Variants in COL10A1 observed in about 807,000 individuals in gnomAD.
The protein encoded by COL10A1 is collagen type X alpha 1 chain, also known as collagen alpha-1(X) chain.
COL10A1 carries 10 observed loss-of-function variants against 18.2 expected under a neutral mutation model. That is an observed-to-expected ratio of 0.55 (90% CI 0.34 to 0.93). The LOEUF is 0.93. Among genes scored for constraint, COL10A1 ranks in the 40% least tolerant of loss-of-function variants. The pLI is 0.02. For missense variants in COL10A1, 897 were observed against 853.5 expected, an observed-to-expected ratio of 1.05 and a Z score of -0.64; for synonymous variants, 330 against 316.6, an observed-to-expected ratio of 1.04 and a Z score of -0.45.
At chr6:116,215,372 A>G in the COL10A1 span, among the ~76,000 whole-genome samples, 2 of 152,156 alleles carry the variant, frequency 1.3e-5, no homozygotes, top group Non-Finnish European at 2.9e-5. Flanking sequence ...TGTAAGCTCT[A>G]TATTTTGAAG....
intron 1 of COL10A1, among the ~76,000 whole-genome samples, chr6:116,143,282 C>T (rs1481621250): frequency 6.6e-6 from 1 of 152,114 alleles, no homozygotes; most frequent in Non-Finnish European, 1.5e-5. Context: ...GCGATTTTGG[C>T]TCATTGCAAC....
chr6:116,178,052 A>AGTGTGTGTGTGTGTGTGTGTGTGT, the COL10A1 span, among the ~76,000 whole-genome samples: 6 of 136,416 alleles, frequency 4.4e-5, no homozygotes, highest in South Asian at 2.5e-4. Context: ...CAAAGAGGAA[A>AGTGTGTGTGTGTGTGTGTGTGTGT]GTGTGTGTGT....
At chr6:116,162,773 A>G (rs908104287), upstream of COL10A1, among the ~76,000 whole-genome samples, 1 of 152,152 alleles carries the variant, frequency 6.6e-6, no homozygotes, top group Non-Finnish European at 1.5e-5. Flanking sequence ...TGTTATTAGC[A>G]TGATACTAGT....
chr6:116,194,305 C>T, the COL10A1 span, among the ~76,000 whole-genome samples: 1 of 152,026 alleles, frequency 6.6e-6, no homozygotes, highest in Non-Finnish European at 1.5e-5. Flanking sequence ...TAGCACATTA[C>T]TTGTTTTCAC....
chr6:116,205,478 C>T, the COL10A1 span, among the ~76,000 whole-genome samples: 2 of 115,318 alleles, frequency 1.7e-5, no homozygotes, highest in Non-Finnish European at 3.2e-5. Context: ...TAGGTTGGAA[C>T]TTAACTGAGT....
intron 1 of COL10A1, among the ~76,000 whole-genome samples, chr6:116,158,084 C>A (rs1780241376): frequency 6.6e-6 from 1 of 152,176 alleles, no homozygotes; most frequent in Non-Finnish European, 1.5e-5. Context: ...AAGTCAATTT[C>A]TCTGAACTAC....
the COL10A1 span, among the ~76,000 whole-genome samples, chr6:116,177,569 G>A: frequency 1.3e-5 from 2 of 152,076 alleles, no homozygotes; most frequent in Admixed American, 6.6e-5. Context: ...ATGATAAAAT[G>A]TATTTAGAAG....
the COL10A1 span, among the ~76,000 whole-genome samples, chr6:116,208,261 TCTC>T: frequency 6.6e-6 from 1 of 151,968 alleles, no homozygotes. Flanking sequence ...CCATTTTAGT[TCTC>T]CTAATTTTTT....
At chr6:116,122,791 A>G (rs771119848) in intron 2 of COL10A1, among the ~76,000 whole-genome samples, 88 of 152,230 alleles carry the variant, frequency 5.8e-4, no homozygotes, top group Non-Finnish European at 1.1e-3. Context: ...ATATGCCGAA[A>G]TAGGAAAATA....
chr6:116,186,779 G>A, the COL10A1 span, among the ~76,000 whole-genome samples: 14 of 151,668 alleles, frequency 9.2e-5, no homozygotes, highest in East Asian at 5.8e-4. Context: ...TTTTTCATTC[G>A]TATCCTGTAT....
chr6:116,178,390 A>G, the COL10A1 span, among the ~76,000 whole-genome samples: 3 of 152,190 alleles, frequency 2.0e-5, no homozygotes, highest in Non-Finnish European at 4.4e-5. Context: ...CTTGATTCAT[A>G]AAGGCGATAG....
At chr6:116,194,737 AT>A in the COL10A1 span, among the ~76,000 whole-genome samples, 49 of 152,204 alleles carry the variant, frequency 3.2e-4, no homozygotes, top group East Asian at 4.7e-3. Context: ...AATGTAAATT[AT>A]CAGAAGAGTT....
chr6:116,201,596 T>C, the COL10A1 span, among the ~76,000 whole-genome samples: 10 of 151,992 alleles, frequency 6.6e-5, no homozygotes, highest in African/African-American at 2.4e-4. Context: ...TCTTGGTTAA[T>C]ATAAAGATAA....
At chr6:116,187,513 A>C in the COL10A1 span, among the ~76,000 whole-genome samples, 20 of 152,184 alleles carry the variant, frequency 1.3e-4, no homozygotes, top group East Asian at 2.7e-3. Context: ...TTTTGGTATA[A>C]AGACTGACAA....
At chr6:116,124,024 G>A (rs1027640937) in intron 2 of COL10A1, among the ~76,000 whole-genome samples, 2 of 151,970 alleles carry the variant, frequency 1.3e-5, no homozygotes, top group Non-Finnish European at 2.9e-5. Context: ...GCGGAAGGTT[G>A]CTTTGTCTTT....
intron 1 of COL10A1, among the ~76,000 whole-genome samples, chr6:116,135,906 A>C (rs1779589336): frequency 6.8e-6 from 1 of 146,670 alleles, no homozygotes; most frequent in Non-Finnish European, 1.5e-5. Flanking sequence ...AATGGTTACC[A>C]CAATCAAGCT....
the COL10A1 span, among the ~76,000 whole-genome samples, chr6:116,198,374 G>T: frequency 6.6e-6 from 1 of 151,984 alleles, no homozygotes; most frequent in Non-Finnish European, 1.5e-5. Context: ...CTGTGCTCAT[G>T]CCCTGCTTGA....
chr6:116,177,748 C>G, the COL10A1 span, among the ~76,000 whole-genome samples: 1 of 149,546 alleles, frequency 6.7e-6, no homozygotes, highest in African/African-American at 2.4e-5. Flanking sequence ...TAATAATATT[C>G]TAAAATGTTT....
chr6:116,145,221 A>G (rs1414593455), intron 1 of COL10A1, among the ~76,000 whole-genome samples: 4 of 152,178 alleles, frequency 2.6e-5, no homozygotes, highest in Non-Finnish European at 5.9e-5. Context: ...GATAACAGCT[A>G]ACTATTAAAT....
Sources: gnomAD v4.1 joint callset for allele counts (sites outside exome capture counted in the v4.1 genomes callset) on GRCh38, gnomAD v4.1.1 for gene constraint, MANE v1.5 for transcripts, NCBI Gene and HGNC (gene_info 2026-07-23, HGNC 2026-07-21) for gene names.